The following SPMAP2L variants were observed in gnomAD, a reference collection of about 807,000 sequenced individuals.
The protein encoded by SPMAP2L is sperm microtubule associated protein 2 like, also known as sperm microtubule associated protein 2-like.
At chr4:56,607,696 A>G in the SPMAP2L span, among the ~76,000 whole-genome samples, 1 of 152,138 alleles carries the variant, frequency 6.6e-6, no homozygotes, top group Non-Finnish European at 1.5e-5. Context: ...TGGCAGAAAT[A>G]TGGACAGTAA....
At chr4:56,552,922 CTT>C in the SPMAP2L span, among the ~76,000 whole-genome samples, 3 of 152,092 alleles carry the variant, frequency 2.0e-5, no homozygotes, top group Non-Finnish European at 4.4e-5. Context: ...GGCGGACAGA[CTT>C]GAGAACCACT....
the SPMAP2L span, chr4:56,594,130 G>A: frequency 3.1e-6 from 5 of 1,608,598 alleles, no homozygotes; most frequent in Non-Finnish European, 4.3e-6. Flanking sequence ...TTGTTTGTGA[G>A]TCATCTGCAG....
the SPMAP2L span, chr4:56,601,112 A>G: frequency 6.5e-7 from 1 of 1,532,658 alleles, no homozygotes; most frequent in Non-Finnish European, 8.7e-7. Context: ...AATAAGAGGT[A>G]TGTCAATTTC....
chr4:56,595,805 C>T, the SPMAP2L span: 14 of 772,902 alleles, frequency 1.8e-5, no homozygotes, highest in Non-Finnish European at 3.3e-5. Flanking sequence ...TCTCCCACCC[C>T]AGCCTCAAGT....
the SPMAP2L span, among the ~76,000 whole-genome samples, chr4:56,621,077 A>G: frequency 6.6e-6 from 1 of 152,218 alleles, no homozygotes; most frequent in Non-Finnish European, 1.5e-5. Flanking sequence ...CTGGACGGAA[A>G]AAAAACGCAA....
At chr4:56,552,012 G>A in the SPMAP2L span, among the ~76,000 whole-genome samples, 1 of 152,340 alleles carries the variant, frequency 6.6e-6, no homozygotes, top group African/African-American at 2.4e-5. Flanking sequence ...GGGAAACATA[G>A]GGCAACACAT....
At chr4:56,547,670 C>G in the SPMAP2L span, among the ~76,000 whole-genome samples, 2 of 152,112 alleles carry the variant, frequency 1.3e-5, no homozygotes, top group Admixed American at 1.3e-4. Context: ...AGGTTTGAGC[C>G]AGGTCTGTCT....
At chr4:56,618,179 C>T in the SPMAP2L span, among the ~76,000 whole-genome samples, 1 of 152,182 alleles carries the variant, frequency 6.6e-6, no homozygotes, top group South Asian at 2.1e-4. Context: ...CAGCATTTCC[C>T]TTTTCCACTT....
chr4:56,578,350 G>A, the SPMAP2L span, among the ~76,000 whole-genome samples: 60 of 151,988 alleles, frequency 3.9e-4, no homozygotes, highest in East Asian at 0.011. Flanking sequence ...TTTTTAAAAT[G>A]TAATAAAATA....
At chr4:56,532,970 A>G in the SPMAP2L span, among the ~76,000 whole-genome samples, 14 of 152,178 alleles carry the variant, frequency 9.2e-5, no homozygotes, top group East Asian at 2.7e-3. Flanking sequence ...CCCCCTATCA[A>G]ATTTTCAGCT....
At chr4:56,531,854 A>G in the SPMAP2L span, among the ~76,000 whole-genome samples, 43 of 152,142 alleles carry the variant, frequency 2.8e-4, no homozygotes, top group Middle Eastern at 3.4e-3. Flanking sequence ...TGGGAAACCA[A>G]TTTTTATCTT....
At chr4:56,592,468 T>C in the SPMAP2L span, among the ~76,000 whole-genome samples, 3 of 152,256 alleles carry the variant, frequency 2.0e-5, no homozygotes, top group Non-Finnish European at 4.4e-5. Context: ...GCCACAACTT[T>C]GCGCGAGTGT....
the SPMAP2L span, among the ~76,000 whole-genome samples, chr4:56,604,425 C>T: frequency 4.6e-5 from 7 of 152,074 alleles, no homozygotes; most frequent in Non-Finnish European, 8.8e-5. Context: ...TTTGGGAGGC[C>T]GAGGCAGATG....
the SPMAP2L span, chr4:56,593,888 G>A: frequency 2.5e-6 from 4 of 1,610,292 alleles, no homozygotes; most frequent in Middle Eastern, 1.8e-4. Flanking sequence ...TGCTAGGAGA[G>A]TACATAATGC....
chr4:56,562,546 G>A, the SPMAP2L span, among the ~76,000 whole-genome samples: 4 of 152,178 alleles, frequency 2.6e-5, no homozygotes, highest in South Asian at 8.3e-4. Context: ...AATGACATGT[G>A]TCTAATAAAA....
the SPMAP2L span, chr4:56,595,459 G>A: frequency 6.2e-7 from 1 of 1,603,630 alleles, no homozygotes; most frequent in Non-Finnish European, 8.5e-7. Flanking sequence ...TGACATTGAG[G>A]AGGGCCGCAT....
chr4:56,594,016 C>T, the SPMAP2L span: 11 of 1,611,086 alleles, frequency 6.8e-6, no homozygotes, highest in South Asian at 2.2e-5. Context: ...TGGGCAGGGC[C>T]GCTCAGCGGC....
the SPMAP2L span, among the ~76,000 whole-genome samples, chr4:56,586,553 C>T: frequency 6.6e-6 from 1 of 152,102 alleles, no homozygotes; most frequent in South Asian, 2.1e-4. Flanking sequence ...ACAGTCAGTC[C>T]ACAATAACAC....
the SPMAP2L span, among the ~76,000 whole-genome samples, chr4:56,540,608 G>A: frequency 6.6e-6 from 1 of 151,110 alleles, no homozygotes; most frequent in Non-Finnish European, 1.5e-5. Context: ...GAAAGAAAGA[G>A]AGAGAAAGAA....
Sources: gnomAD v4.1 joint callset for allele counts (sites outside exome capture counted in the v4.1 genomes callset) on GRCh38, gnomAD v4.1.1 for gene constraint, MANE v1.5 for transcripts, NCBI Gene and HGNC (gene_info 2026-07-23, HGNC 2026-07-21) for gene names.